The following LZTFL1 variants were observed in gnomAD, a reference collection of about 807,000 sequenced individuals.
The protein encoded by LZTFL1 is leucine zipper transcription factor-like protein 1.
LZTFL1 carries 25 observed loss-of-function variants against 45.9 expected under a neutral mutation model. That is an observed-to-expected ratio of 0.54 (90% CI 0.40 to 0.76). The LOEUF is 0.76. Ranked by LOEUF, LZTFL1 falls within the 30% of genes least tolerant of loss-of-function variation. The pLI, the probability that LZTFL1 is intolerant of heterozygous loss-of-function variation, is 0.00. For missense variants in LZTFL1, 277 were observed against 331.1 expected (o/e 0.84, Z 1.27); for synonymous variants, 93 against 117.4 (o/e 0.79, Z 1.35).
intron 2 of LZTFL1, among the ~76,000 whole-genome samples, chr3:45,899,876 A>G (rs1414710842): frequency 6.6e-6 from 1 of 152,308 alleles, no homozygotes; most frequent in East Asian, 1.9e-4. Flanking sequence ...CAGGGGTTTT[A>G]GGATGGCTTC....
chr3:45,852,060 A>G (rs1388932685), intron 4 of LZTFL1, among the ~76,000 whole-genome samples: 1 of 152,110 alleles, frequency 6.6e-6, no homozygotes, highest in Non-Finnish European at 1.5e-5. Flanking sequence ...ATCTTAACAT[A>G]TGATCCTCCT....
Position 45,839,937 on chromosome 3 carries a change from T to C in LZTFL1, c.4-1886A>G, listed in dbSNP as rs192046946. Among the ~76,000 whole-genome samples, 6 of 152,354 alleles carry C rather than the reference T, an allele frequency of 3.9e-5. No homozygotes were observed. In the East Asian group the frequency reaches 9.6e-4, roughly 24 times the overall value. On this transcript the variant is annotated intron_variant, in intron 1 of 9. Coordinates refer to ENST00000296135, the MANE Select transcript of LZTFL1 (RefSeq NM_020347.4). ...GTATGCCTTCCTCCAAAACCTAGCA[T>C]ATATAATCTCTGCTACTTCTTTGGT...
At chr3:45,882,320 C>T (rs1701875332) in intron 2 of LZTFL1, among the ~76,000 whole-genome samples, 1 of 152,176 alleles carries the variant, frequency 6.6e-6, no homozygotes, top group Admixed American at 6.5e-5. Context: ...CATAATGTCA[C>T]CACCAACTAC....
intron 2 of LZTFL1, among the ~76,000 whole-genome samples, chr3:45,890,637 A>T (rs1702148866): frequency 6.6e-6 from 1 of 151,974 alleles, no homozygotes; most frequent in South Asian, 2.1e-4. Context: ...ACAGAGCTGA[A>T]GATGTCAGAA....
rs940495461 is a variant in LZTFL1, at chr3:45,830,811, A to G, written c.600+102T>C. On this transcript the variant is annotated intron_variant, in intron 7 of 9. Coordinates refer to ENST00000296135, the MANE Select transcript of LZTFL1 (RefSeq NM_020347.4). ...AATAGAGGCATTTGTCTCAGGGAGTAGCAGGGGTGGGGTACAGTGAGCAGT... is the reference window on the plus strand; with the variant it reads ...AATAGAGGCATTTGTCTCAGGGAGTGGCAGGGGTGGGGTACAGTGAGCAGT... The G allele has an allele frequency of 4.2e-6, 4 of 950,994 alleles. No homozygotes were observed. In the African/African-American group the frequency reaches 6.5e-5, roughly 16 times the overall value. The allele number at this position is 950,994 out of a possible 1,614,324, so 58.9% of individuals were successfully genotyped here. A position where few individuals can be genotyped will look rare whatever the true frequency, so the allele number is the denominator to read the frequency against.
At chr3:45,860,924 C>A (rs923137481) in intron 2 of LZTFL1, among the ~76,000 whole-genome samples, 1 of 152,312 alleles carries the variant, frequency 6.6e-6, no homozygotes, top group African/African-American at 2.4e-5. Context: ...TTCCCACTGA[C>A]TTCTGATCTA....
intron 2 of LZTFL1, chr3:45,902,142 G>C: frequency 2.3e-6 from 1 of 435,046 alleles, no homozygotes; most frequent in East Asian, 3.8e-5. Flanking sequence ...GAGGACTAAG[G>C]ACCGGCACTG....
At position 45,833,138 on chromosome 3, in the gene LZTFL1, A is replaced by T; in HGVS notation, c.385-17T>A. ...TAAGATGGGCTGAAACAAAATAAAG[A>T]AACCAAACTGAAATCACCACAGAAT... On this transcript the variant is annotated splice_polypyrimidine_tract_variant and intron_variant, in intron 4 of 9. Transcript: ENST00000296135. The T allele has an allele frequency of 6.3e-7, 1 of 1,586,556 alleles. No homozygotes were observed. Among genetic ancestry groups the T allele is most frequent in the Non-Finnish European group, 8.7e-7 (1 of 1,155,154 alleles).
chr3:45,907,406 C>T (rs1343544044), intron 2 of LZTFL1, among the ~76,000 whole-genome samples: 1 of 152,230 alleles, frequency 6.6e-6, no homozygotes, highest in African/African-American at 2.4e-5. Flanking sequence ...AGGCCAGGCT[C>T]TGTGGCCAGG....
At chr3:45,906,963 G>A (rs1702694823) in intron 2 of LZTFL1, among the ~76,000 whole-genome samples, 1 of 152,204 alleles carries the variant, frequency 6.6e-6, no homozygotes, top group African/African-American at 2.4e-5. Context: ...GTGGCTTTAG[G>A]TCAGATTCCC....
At chr3:45,910,437 G>C (rs1702772899) in intron 2 of LZTFL1, among the ~76,000 whole-genome samples, 1 of 152,220 alleles carries the variant, frequency 6.6e-6, no homozygotes. Flanking sequence ...GATCAGCAGA[G>C]AGCAAGTCTG....
intron 5 of LZTFL1, among the ~76,000 whole-genome samples, chr3:45,831,736 C>T (rs1375766341): frequency 6.6e-6 from 1 of 152,162 alleles, no homozygotes; most frequent in Admixed American, 6.5e-5. Flanking sequence ...GCCCAACACA[C>T]TCACTTCTCT....
At chr3:45,858,038 T>C (rs1701421808) in intron 3 of LZTFL1, among the ~76,000 whole-genome samples, 1 of 152,258 alleles carries the variant, frequency 6.6e-6, no homozygotes, top group African/African-American at 2.4e-5. Context: ...GTGCTTTTCT[T>C]AAGAAATGTA....
chr3:45,868,692 A>G (rs1419506840), intron 2 of LZTFL1, among the ~76,000 whole-genome samples: 1 of 152,242 alleles, frequency 6.6e-6, no homozygotes, highest in African/African-American at 2.4e-5. Context: ...ATTCCAAAGC[A>G]AGTATATCAT....
intron 2 of LZTFL1, among the ~76,000 whole-genome samples, chr3:45,883,342 A>G (rs1386298098): frequency 1.3e-5 from 2 of 152,238 alleles, no homozygotes; most frequent in Non-Finnish European, 2.9e-5. Context: ...TGATAAATTC[A>G]AAGGCAAAAG....
At chr3:45,877,380 C>T (rs1701764816) in intron 2 of LZTFL1, among the ~76,000 whole-genome samples, 1 of 151,918 alleles carries the variant, frequency 6.6e-6, no homozygotes, top group South Asian at 2.1e-4. Flanking sequence ...ACTACAGGCA[C>T]ACGCCACCAC....
At chr3:45,847,887 A>G (rs1456258504) in intron 4 of LZTFL1, among the ~76,000 whole-genome samples, 2 of 152,184 alleles carry the variant, frequency 1.3e-5, no homozygotes, top group African/African-American at 2.4e-5. Context: ...GGGCATTTTC[A>G]TCTGCATTAA....
rs1700656947 is a variant in LZTFL1 at position 45,826,160 on chromosome 3, A to G, written c.*154T>C. ...CACTAGGTTTTCTCTGTTTTCAACT[A>G]GCTGAAAATAGGAACTCTAGTTCTA... is the stretch of plus-strand genomic sequence containing the variant. On this transcript the variant is annotated 3_prime_UTR_variant, in exon 10 of 10. Transcript: ENST00000296135. The G allele has an allele frequency of 1.5e-6, 1 of 669,658 alleles. No individual in the cohort carries two copies. The highest frequency in any genetic ancestry group is 2.0e-5 in the South Asian group (1 of 50,696). The allele number at this position is 669,658 out of a possible 1,614,324, so 41.5% of individuals were successfully genotyped here.
rs748636279 is a variant in LZTFL1, at chr3:45,913,095, T to C, written c.-215+25A>G. On this transcript the variant is annotated intron_variant, in intron 2 of 4. Coordinates refer to the LZTFL1 transcript ENST00000472635. ...TCAGCATAACGCAGTAGCAGTAATA[T>C]GTTCTGTAAATGGTTCAGACTTACC... The C allele has an allele frequency of 3.8e-5, 58 of 1,535,088 alleles. No homozygotes were observed. In the Middle Eastern group the frequency reaches 1.2e-3, roughly 31 times the overall value.
Sources: allele counts gnomAD v4.1 joint callset (sites outside exome capture counted in the v4.1 genomes callset), GRCh38; gene constraint gnomAD v4.1.1; transcripts MANE v1.5; gene names NCBI Gene and HGNC (gene_info 2026-07-23, HGNC 2026-07-21).